Variants in FIG4 observed in about 807,000 individuals in gnomAD.
FIG4 encodes FIG4 phosphoinositide 5-phosphatase, also known as polyphosphoinositide phosphatase.
Under a neutral mutation model 118.6 loss-of-function variants are expected in FIG4, and 112 were observed. That is an observed-to-expected ratio of 0.94 (90% CI 0.81 to 1.11). The LOEUF is 1.11. Among genes scored for constraint, FIG4 ranks in the 50% least tolerant of loss-of-function variants. The pLI is 0.00. For synonymous variants in FIG4, 369 were observed against 381.2 expected (o/e 0.97, Z 0.37); for missense variants, 969 against 1,111.7 (o/e 0.87, Z 1.83).
At chr6:109,712,420 A>G (rs1326121372) in intron 1 of FIG4, among the ~76,000 whole-genome samples, 2 of 152,012 alleles carry the variant, frequency 1.3e-5, no homozygotes, top group Non-Finnish European at 2.9e-5. Flanking sequence ...ATAATCCCAC[A>G]TTACTCAGAG....
At chr6:109,755,563 T>C (rs1776862793) in intron 10 of FIG4, among the ~76,000 whole-genome samples, 1 of 152,196 alleles carries the variant, frequency 6.6e-6, no homozygotes, top group African/African-American at 2.4e-5. Flanking sequence ...TATTATTGTG[T>C]GGGAGTCAAA....
intron 4 of FIG4, among the ~76,000 whole-genome samples, chr6:109,730,962 T>C (rs929199544): frequency 4.6e-5 from 7 of 152,206 alleles, no homozygotes; most frequent in African/African-American, 7.2e-5. Context: ...TGAAAGTAGA[T>C]ATTTGTAACA....
rs537038147 is a variant in FIG4 at position 109,691,380 on chromosome 6, T to C, written c.-56T>C. 3 of 1,464,492 alleles carry C rather than the reference T, an allele frequency of 2.0e-6. No homozygotes were observed. In the East Asian group the frequency reaches 7.4e-5, roughly 36 times the overall value. 90.7% of individuals were successfully genotyped at this position (1,464,492 alleles called of 1,614,324 possible). On this transcript the variant is annotated 5_prime_UTR_variant, in exon 1 of 23. Transcript: ENST00000230124. ...GCCTGAGGGGTTTTCTCGCCGAGTC[T>C]CCTGGGGCGGTCCGGAGGCTCGTGC...
At chr6:109,699,884 G>A (rs930234164) in intron 1 of FIG4, among the ~76,000 whole-genome samples, 3 of 152,110 alleles carry the variant, frequency 2.0e-5, no homozygotes, top group African/African-American at 2.4e-5. Flanking sequence ...GTTGGCTTAC[G>A]ATTTTCACAG....
intron 3 of FIG4, among the ~76,000 whole-genome samples, chr6:109,718,153 G>A (rs1310245500): frequency 1.3e-5 from 2 of 152,052 alleles, no homozygotes; most frequent in East Asian, 1.9e-4. Flanking sequence ...AAGGAATGGT[G>A]GGGGAGGTGC....
At chr6:109,719,480 C>T (rs1055601782) in intron 3 of FIG4, among the ~76,000 whole-genome samples, 1 of 151,864 alleles carries the variant, frequency 6.6e-6, no homozygotes, top group Non-Finnish European at 1.5e-5. Flanking sequence ...ACCTCCTGGG[C>T]TCAAATGATC....
rs77532783 is a variant in FIG4 at position 109,809,898 on chromosome 6, G to A, written c.2546+13047G>A. Among the ~76,000 whole-genome samples the A allele has an allele frequency of 7.2e-4, 110 of 152,206 alleles. 1 individual carries two copies. The East Asian group carries it at 0.017, about 23-fold the overall frequency. ...CAGAGCTGGTGGATTCAGGGGCTTC[G>A]TGTGATCATGAAGTGCCCAGGTTTT... is the stretch of plus-strand genomic sequence containing the variant. On this transcript the variant is annotated intron_variant, in intron 22 of 22. Transcript: ENST00000230124.
chr6:109,728,089 T>C (rs1775875723), intron 4 of FIG4, among the ~76,000 whole-genome samples: 1 of 152,216 alleles, frequency 6.6e-6, no homozygotes, highest in African/African-American at 2.4e-5. Context: ...ATTTGGAGTA[T>C]AATAATGGTT....
chr6:109,777,209 G>T, intron 16 of FIG4, 149 bp downstream of exon 16: 1 of 657,954 alleles, frequency 1.5e-6, no homozygotes, highest in Non-Finnish European at 2.5e-6. Context: ...TACGTAGTAG[G>T]TGTATATTTT....
At chr6:109,812,348 G>C (rs1442471808) in intron 22 of FIG4, among the ~76,000 whole-genome samples, 2 of 152,166 alleles carry the variant, frequency 1.3e-5, no homozygotes, top group Admixed American at 6.5e-5. Context: ...ATGGAGTGAG[G>C]CATAGGTAGG....
Position 109,788,462 on chromosome 6 carries a change from G to A in FIG4, c.2097-1132G>A, listed in dbSNP as rs1186480917. Among the ~76,000 whole-genome samples, 6 of 152,320 alleles carry A rather than the reference G, an allele frequency of 3.9e-5. No individual in the cohort carries two copies. The South Asian group carries it at 1.2e-3, about 32-fold the overall frequency. On this transcript the variant is annotated intron_variant, in intron 18 of 22. Transcript: ENST00000230124. Reference sequence around the variant, plus strand: ...GACTGTGAAAAAGACACTCATTTACGATAGGAGAGCAGAAATTAAGAAGCG... The same window carrying A: ...GACTGTGAAAAAGACACTCATTTACAATAGGAGAGCAGAAATTAAGAAGCG...
intron 1 of FIG4, among the ~76,000 whole-genome samples, chr6:109,692,856 A>G (rs530090452): frequency 2.0e-5 from 3 of 152,256 alleles, no homozygotes; most frequent in South Asian, 2.1e-4. Context: ...ATGTGACACC[A>G]TGACCGGCTA....
At chr6:109,825,067 C>T (rs1779118336) in intron 22 of FIG4, 21 bp from the exon 23 acceptor site, 2 of 1,610,324 alleles carry the variant, frequency 1.2e-6, no homozygotes, top group Non-Finnish European at 1.7e-6. Flanking sequence ...ATGCAGCCCT[C>T]TCTTTATTCA....
At chr6:109,744,319 C>T (rs1293966766) in intron 10 of FIG4, among the ~76,000 whole-genome samples, 1 of 151,734 alleles carries the variant, frequency 6.6e-6, no homozygotes, top group East Asian at 1.9e-4. Context: ...TGGCAGAGTA[C>T]ACTGACTGGT....
At chr6:109,744,951 T>A (rs1252974520) in intron 10 of FIG4, among the ~76,000 whole-genome samples, 1 of 152,142 alleles carries the variant, frequency 6.6e-6, no homozygotes, top group Non-Finnish European at 1.5e-5. Flanking sequence ...TTCATCCATG[T>A]CCCTGCAAAG....
rs575271308 is a variant in FIG4, at chr6:109,792,671, T to G, written c.2459+7T>G. On this transcript the variant is annotated splice_region_variant and intron_variant, in intron 21 of 22. Coordinates refer to ENST00000230124, the MANE Select transcript of FIG4 (RefSeq NM_014845.6). ...ATTTCTCCATTTATTCAAGGTGAGATACTTTCATGTAGATATTAAAGAAAA... is the reference window on the plus strand; with the variant it reads ...ATTTCTCCATTTATTCAAGGTGAGAGACTTTCATGTAGATATTAAAGAAAA... 1.2e-4 allele frequency: 171 copies of G among 1,456,798 alleles called. No individual in the cohort carries two copies. Among genetic ancestry groups the G allele is most frequent in the Non-Finnish European group, 1.6e-4 (169 of 1,037,634 alleles). The allele number at this position is 1,456,798 out of a possible 1,614,324, so 90.2% of individuals were successfully genotyped here.
intron 22 of FIG4, among the ~76,000 whole-genome samples, chr6:109,812,875 C>T (rs1778759052): frequency 6.6e-6 from 1 of 152,158 alleles, no homozygotes; most frequent in African/African-American, 2.4e-5. Flanking sequence ...ATGCTGATGG[C>T]AGAGACAGAT....
Position 109,752,084 on chromosome 6 carries a change from C to T in FIG4, c.1138-8166C>T, listed in dbSNP as rs375252829. Reference sequence around the variant, plus strand: ...GTTCCCACCTATGAGTGAGAACATGCGGTGTTTGGTTTTTTGTTCTTGCGA... The same window carrying T: ...GTTCCCACCTATGAGTGAGAACATGTGGTGTTTGGTTTTTTGTTCTTGCGA... On this transcript the variant is annotated intron_variant, in intron 10 of 22. Coordinates refer to ENST00000230124, the MANE Select transcript of FIG4 (RefSeq NM_014845.6). Among the ~76,000 whole-genome samples, 110 of 147,004 alleles carry T rather than the reference C, an allele frequency of 7.5e-4. 1 individual carries two copies. The East Asian group carries it at 0.017, about 23-fold the overall frequency.
At chr6:109,732,062 T>C (rs180683276) in intron 4 of FIG4, among the ~76,000 whole-genome samples, 2 of 152,328 alleles carry the variant, frequency 1.3e-5, no homozygotes, top group African/African-American at 4.8e-5. Context: ...GGAAAATGGT[T>C]GCATTTGGAG....
Sources: gnomAD v4.1 joint callset for allele counts (sites outside exome capture counted in the v4.1 genomes callset) on GRCh38, gnomAD v4.1.1 for gene constraint, MANE v1.5 for transcripts, NCBI Gene and HGNC (gene_info 2026-07-23, HGNC 2026-07-21) for gene names.